SDK1: variants seen among roughly 807,000 people sequenced by gnomAD.
The protein encoded by SDK1 is protein sidekick-1.
SDK1 carries 157 observed loss-of-function variants against 245.5 expected under a neutral mutation model. The observed-to-expected ratio is 0.64, with a 90% CI of 0.56 to 0.73. SDK1 has a LOEUF of 0.73. SDK1 is among the 30% of genes least tolerant of loss of function. SDK1 has a pLI of 0.00. For missense variants in SDK1, 3,583 were observed against 3,002.3 expected (o/e 1.19, Z -4.52); for synonymous variants, 1,647 against 1,278.5 (o/e 1.29, Z -6.15).
At chr7:3,336,301 G>T (rs1780198079) in intron 1 of SDK1, among the ~76,000 whole-genome samples, 1 of 152,192 alleles carries the variant, frequency 6.6e-6, no homozygotes, top group South Asian at 2.1e-4. Context: ...GCAGAAGCAG[G>T]TGGTACTTCA....
intron 1 of SDK1, among the ~76,000 whole-genome samples, chr7:3,407,434 T>G (rs1174832410): frequency 6.6e-6 from 1 of 152,180 alleles, no homozygotes; most frequent in Non-Finnish European, 1.5e-5. Flanking sequence ...TGACAGTGCC[T>G]TGGTTGACTG....
chr7:3,401,851 G>T (rs993240713), intron 1 of SDK1, among the ~76,000 whole-genome samples: 7 of 152,120 alleles, frequency 4.6e-5, no homozygotes, highest in Admixed American at 3.3e-4. Context: ...TAAATGCCTA[G>T]TTATTAAATG....
At chr7:4,179,615 C>T (rs945961357) in intron 35 of SDK1, among the ~76,000 whole-genome samples, 14 of 151,898 alleles carry the variant, frequency 9.2e-5, no homozygotes, top group East Asian at 5.9e-4. Context: ...TCTCTTTGCA[C>T]GAAAATATGT....
intron 1 of SDK1, among the ~76,000 whole-genome samples, chr7:3,601,839 C>T (rs1331037461): frequency 7.3e-6 from 1 of 136,284 alleles, no homozygotes; most frequent in Non-Finnish European, 1.5e-5. Flanking sequence ...TCCCCCACCC[C>T]ACAACAGTCC....
intron 38 of SDK1, among the ~76,000 whole-genome samples, chr7:4,211,681 C>T (rs1357791162): frequency 6.6e-6 from 1 of 152,176 alleles, no homozygotes; most frequent in African/African-American, 2.4e-5. Flanking sequence ...ACGATTTCTG[C>T]TCACTGCAAG....
At chr7:3,619,988 C>T (rs1009581678) in intron 2 of SDK1, among the ~76,000 whole-genome samples, 1 of 152,208 alleles carries the variant, frequency 6.6e-6, no homozygotes, top group African/African-American at 2.4e-5. Context: ...TGCTGCAGTT[C>T]TGTGCAGGAT....
chr7:4,172,644 C>T (rs1466548705), intron 32 of SDK1, among the ~76,000 whole-genome samples: 3 of 152,304 alleles, frequency 2.0e-5, no homozygotes, highest in Admixed American at 6.5e-5. Context: ...AAGGGCAGAG[C>T]CTTATTCTCT....
chr7:3,537,800 C>T (rs1208529187), intron 1 of SDK1, among the ~76,000 whole-genome samples: 6 of 152,172 alleles, frequency 3.9e-5, no homozygotes, highest in African/African-American at 1.4e-4. Flanking sequence ...TATTCCTCTT[C>T]TGCCTAGAAG....
intron 5 of SDK1, among the ~76,000 whole-genome samples, chr7:3,894,848 G>A (rs1002875287): frequency 1.3e-5 from 2 of 151,712 alleles, no homozygotes; most frequent in African/African-American, 4.8e-5. Flanking sequence ...GTGCCACCAT[G>A]CCTGGCTAAT....
chr7:3,744,459 A>G (rs770003423), intron 4 of SDK1, among the ~76,000 whole-genome samples: 2 of 152,200 alleles, frequency 1.3e-5, no homozygotes, highest in Non-Finnish European at 2.9e-5. Flanking sequence ...TTCATACAGT[A>G]TAACCTAGCA....
intron 22 of SDK1, among the ~76,000 whole-genome samples, chr7:4,086,199 C>A (rs919622458): frequency 6.6e-6 from 1 of 152,190 alleles, no homozygotes; most frequent in Non-Finnish European, 1.5e-5. Flanking sequence ...TTTCTTCTCA[C>A]ACCTGCACAG....
At chr7:4,123,524 C>T (rs1007047370) in intron 25 of SDK1, among the ~76,000 whole-genome samples, 18 of 152,158 alleles carry the variant, frequency 1.2e-4, no homozygotes, top group Admixed American at 5.9e-4. Context: ...CTGGAAGGCA[C>T]CAGGGACTTG....
At chr7:4,100,601 CAG>C (rs749008270) in intron 22 of SDK1, among the ~76,000 whole-genome samples, 2 of 152,184 alleles carry the variant, frequency 1.3e-5, no homozygotes, top group Admixed American at 6.5e-5. Flanking sequence ...CGTGAGGACA[CAG>C]GGGCATTTGG....
chr7:3,466,999 C>G (rs868647678), intron 1 of SDK1, among the ~76,000 whole-genome samples: 1 of 142,952 alleles, frequency 7.0e-6, no homozygotes. Context: ...CACACACACA[C>G]ACACACACAC....
intron 1 of SDK1, among the ~76,000 whole-genome samples, chr7:3,441,312 G>C (rs1780189664): frequency 6.6e-6 from 1 of 151,926 alleles, no homozygotes; most frequent in African/African-American, 2.4e-5. Flanking sequence ...CATTGACTGG[G>C]GCCTTTGAAT....
At chr7:3,573,126 G>GT (rs775897157) in intron 1 of SDK1, among the ~76,000 whole-genome samples, 2 of 152,222 alleles carry the variant, frequency 1.3e-5, no homozygotes, top group South Asian at 4.1e-4. Flanking sequence ...TCCCAGAGCA[G>GT]TGGGGTGCTA....
At chr7:3,421,520 A>C (rs912411511) in intron 1 of SDK1, among the ~76,000 whole-genome samples, 1 of 152,138 alleles carries the variant, frequency 6.6e-6, no homozygotes, top group African/African-American at 2.4e-5. Flanking sequence ...TTAAATATCT[A>C]AGTTTTAGAT....
rs560445747 is a variant in SDK1 at position 3,328,811 on chromosome 7, G to C, written c.298+26927G>C. ...CCACATGGACTATACAGTTCAGTTA[G>C]TTCAGGTCATGGGCTGTTAGGTTGT... On this transcript the variant is annotated intron_variant, in intron 1 of 44. Coordinates refer to ENST00000404826, the MANE Select transcript of SDK1 (RefSeq NM_152744.4). 1.2e-4 allele frequency among the ~76,000 whole-genome samples: 18 copies of C among 152,198 alleles called. No homozygotes were observed. In the East Asian group the frequency reaches 3.5e-3, roughly 29 times the overall value.
chr7:3,570,732 C>T (rs10951245), intron 1 of SDK1, among the ~76,000 whole-genome samples: 89,223 of 152,100 alleles, frequency 0.59, 26,575 homozygotes, highest in South Asian at 0.7. Flanking sequence ...CTGTGAGAGT[C>T]GGTGTAATTT....
Sources: gnomAD v4.1 joint callset for allele counts (sites outside exome capture counted in the v4.1 genomes callset) on GRCh38, gnomAD v4.1.1 for gene constraint, MANE v1.5 for transcripts, NCBI Gene and HGNC (gene_info 2026-07-23, HGNC 2026-07-21) for gene names.